The following RELN variants were observed in gnomAD, a reference collection of about 807,000 sequenced individuals.
The protein encoded by RELN is reelin.
Under a neutral mutation model 427.6 loss-of-function variants are expected in RELN, and 108 were observed. The observed-to-expected ratio is 0.25, with a 90% confidence interval of 0.22 to 0.30. The LOEUF (loss-of-function observed/expected upper bound fraction) is 0.30, where lower values mean the gene tolerates loss of function less well. Among genes scored for constraint, RELN ranks in the 10% least tolerant of loss-of-function variants. The pLI, the probability that RELN is intolerant of heterozygous loss-of-function variation, is 1.00. For missense variants in RELN, 3,715 were observed against 4,302.8 expected (o/e 0.86, Z 3.82); for synonymous variants, 1,524 against 1,513.4 (o/e 1.01, Z -0.16).
At chr7:103,739,386 G>C (rs1454621404) in intron 6 of RELN, among the ~76,000 whole-genome samples, 1 of 152,138 alleles carries the variant, frequency 6.6e-6, no homozygotes, top group East Asian at 1.9e-4. Context: ...TTTTGTTGGG[G>C]GAGGTTTTGG....
In RELN at chr7:103,682,208, G is replaced by A. The variant is rs199686580; in HGVS notation, c.1197C>T (p.Ser399=). 117 of 1,613,828 alleles carry A rather than the reference G, an allele frequency of 7.2e-5. No individual in the cohort carries two copies. Among genetic ancestry groups the A allele is most frequent in the Non-Finnish European group, 9.7e-5 (114 of 1,179,818 alleles). ...NSIYFHGNEG[S]EFNFATTRDV... ...CCCTGGTGGTGGCAAAATTGAACTC[G>A]CTGCCTTCATTTCCATGGAAATAAA... is the stretch of plus-strand genomic sequence containing the variant. The change falls in exon 11 of 65, where the codon AGC becomes AGT. Residue 399 remains serine (S), a synonymous_variant. Transcript: ENST00000428762.
chr7:103,909,778 TAA>T (rs1288294945), intron 2 of RELN, among the ~76,000 whole-genome samples: 5 of 67,586 alleles, frequency 7.4e-5, no homozygotes, highest in Non-Finnish European at 1.2e-4. Context: ...TTAATATATA[TAA>T]ATATATATAT....
intron 24 of RELN, among the ~76,000 whole-genome samples, chr7:103,601,733 T>C (rs1195342331): frequency 6.6e-6 from 1 of 152,172 alleles, no homozygotes; most frequent in Non-Finnish European, 1.5e-5. Context: ...AGAAAAAGAA[T>C]GTCCTGCCTA....
chr7:103,541,843 ATT>A (rs907139040), intron 43 of RELN, among the ~76,000 whole-genome samples: 7 of 152,316 alleles, frequency 4.6e-5, no homozygotes, highest in African/African-American at 1.7e-4. Flanking sequence ...ATGATAAAAT[ATT>A]GTTTTTATAA....
intron 2 of RELN, among the ~76,000 whole-genome samples, chr7:103,858,670 T>A (rs1794002603): frequency 6.6e-6 from 1 of 152,216 alleles, no homozygotes; most frequent in Non-Finnish European, 1.5e-5. Context: ...ACACTGTCAT[T>A]AGTGCATCCT....
intron 28 of RELN, among the ~76,000 whole-genome samples, chr7:103,582,707 C>A (rs1831180404): frequency 6.6e-6 from 1 of 152,084 alleles, no homozygotes; most frequent in Non-Finnish European, 1.5e-5. Context: ...CCAGATGATG[C>A]AAAGTAAACT....
intron 3 of RELN, among the ~76,000 whole-genome samples, chr7:103,777,198 A>G (rs1394923456): frequency 6.6e-6 from 1 of 152,186 alleles, no homozygotes; most frequent in Non-Finnish European, 1.5e-5. Context: ...ACTTCTTCCA[A>G]TCAAAGCTGC....
rs1323562094 is a variant in RELN at position 103,490,594 on chromosome 7, GT to G, written c.9605+73del. ...AAAGCTCTGCCTCACACTGTCAGTT[GT>G]TTTCAGCTCACTGCATGAACTCTGT... is the stretch of plus-strand genomic sequence containing the variant. On this transcript the variant is annotated intron_variant, in intron 59 of 64. Transcript: ENST00000428762. The G allele has an allele frequency of 5.4e-6, 8 of 1,493,406 alleles. No individual in the cohort carries two copies. In the East Asian group the frequency reaches 1.8e-4, roughly 34 times the overall value. The allele number at this position is 1,493,406 out of a possible 1,614,324, so 92.5% of individuals were successfully genotyped here. A position where few individuals can be genotyped will look rare whatever the true frequency, so the allele number is the denominator to read the frequency against.
intron 25 of RELN, among the ~76,000 whole-genome samples, chr7:103,594,919 G>T (rs1344293168): frequency 8.6e-5 from 13 of 151,990 alleles, no homozygotes; most frequent in Admixed American, 7.9e-4. Context: ...AACATAAATT[G>T]CCCATAATCT....
intron 2 of RELN, among the ~76,000 whole-genome samples, chr7:103,842,004 G>T: frequency 6.6e-6 from 1 of 151,928 alleles, no homozygotes; most frequent in East Asian, 1.9e-4. Context: ...TTAAAATTAT[G>T]ATTTTTTTAT....
At chr7:103,514,386 A>T (rs972886632) in intron 50 of RELN, among the ~76,000 whole-genome samples, 1 of 152,204 alleles carries the variant, frequency 6.6e-6, no homozygotes, top group African/African-American at 2.4e-5. Context: ...TAGGCCGGGC[A>T]TGGTGGCTCA....
At chr7:103,899,291 C>A (rs980824736) in intron 2 of RELN, among the ~76,000 whole-genome samples, 1 of 151,994 alleles carries the variant, frequency 6.6e-6, no homozygotes, top group East Asian at 1.9e-4. Flanking sequence ...GAAATTGAGG[C>A]AATAATTAAT....
At chr7:103,768,509 T>C (rs1791483059) in intron 4 of RELN, among the ~76,000 whole-genome samples, 1 of 152,176 alleles carries the variant, frequency 6.6e-6, no homozygotes, top group African/African-American at 2.4e-5. Flanking sequence ...GTGAGGAACA[T>C]TGCTAGTAGC....
At chr7:103,544,597 G>T (rs362759) in intron 42 of RELN, among the ~76,000 whole-genome samples, 7,748 of 152,186 alleles carry the variant, frequency 0.051, 247 homozygotes, top group South Asian at 0.14. Context: ...TTATGGAGGT[G>T]TTTTTCCACA....
chr7:103,921,382 AT>A (rs1795614228), intron 1 of RELN, among the ~76,000 whole-genome samples: 1 of 152,128 alleles, frequency 6.6e-6, no homozygotes. Context: ...GGCTTTACAA[AT>A]TTTTATGGTC....
At chr7:103,806,334 C>CT (rs940213641) in intron 3 of RELN, among the ~76,000 whole-genome samples, 98 of 150,604 alleles carry the variant, frequency 6.5e-4, no homozygotes, top group African/African-American at 2.2e-3. Context: ...TTTCTTTTTT[C>CT]TTTTTTTTTA....
rs781341141 is a variant in RELN, at chr7:103,545,393, C to T, written c.6303-49G>A. On this transcript the variant is annotated intron_variant, in intron 41 of 64. Coordinates refer to ENST00000428762, the MANE Select transcript of RELN (RefSeq NM_005045.4). The stretch of plus-strand genomic sequence containing the variant: ...AAAAGCTAATCAACAGAACAATATA[C>T]CTTCAAAGTATGCACATCTGATCAA... 7.9e-6 allele frequency: 10 copies of T among 1,263,322 alleles called. No homozygotes were observed. In the Admixed American group the frequency reaches 1.7e-4, roughly 22 times the overall value. 78.3% of individuals were successfully genotyped at this position (1,263,322 alleles called of 1,614,324 possible).
chr7:103,585,691 T>G (rs148677929), intron 28 of RELN, among the ~76,000 whole-genome samples: 95 of 152,288 alleles, frequency 6.2e-4, no homozygotes, highest in African/African-American at 2.2e-3. Context: ...GGGTAGGGAT[T>G]CTTTCCTAAC....
chr7:103,479,735 T>C (rs1828164162), intron 63 of RELN, among the ~76,000 whole-genome samples: 1 of 152,180 alleles, frequency 6.6e-6, no homozygotes, highest in African/African-American at 2.4e-5. Flanking sequence ...ACAAATCTTG[T>C]TCATTTAGGA....
Sources: gnomAD v4.1 joint callset for allele counts (sites outside exome capture counted in the v4.1 genomes callset) on GRCh38, gnomAD v4.1.1 for gene constraint, MANE v1.5 for transcripts, NCBI Gene and HGNC (gene_info 2026-07-23, HGNC 2026-07-21) for gene names.